The following CAMTA1 variants were observed in gnomAD, a reference collection of about 807,000 sequenced individuals.
CAMTA1 encodes the protein calmodulin-binding transcription activator 1.
In CAMTA1, 27 loss-of-function variants were observed where a neutral mutation model predicts 170.9. The observed-to-expected ratio is 0.16, with a 90% CI of 0.12 to 0.22. CAMTA1 has a LOEUF of 0.22. Ranked by LOEUF, CAMTA1 falls within the 10% of genes least tolerant of loss-of-function variation. CAMTA1 has a pLI of 1.00. For missense variants in CAMTA1, 1,619 were observed against 2,217.2 expected (o/e 0.73, Z 5.42); for synonymous variants, 833 against 891.5 (o/e 0.93, Z 1.17).
At chr1:7,327,585 T>C (rs190220641) in intron 5 of CAMTA1, among the ~76,000 whole-genome samples, 48 of 152,106 alleles carry the variant, frequency 3.2e-4, no homozygotes, top group Admixed American at 1.6e-3. Context: ...TCCCTGCAGG[T>C]TGGAATGATC....
chr1:7,591,176 C>T (rs2095352975), intron 6 of CAMTA1, among the ~76,000 whole-genome samples: 2 of 152,226 alleles, frequency 1.3e-5, no homozygotes, highest in Admixed American at 6.5e-5. Flanking sequence ...ATTCTTGTTC[C>T]TTCCTGGTCT....
intron 11 of CAMTA1, among the ~76,000 whole-genome samples, chr1:7,712,962 A>G (rs942028852): frequency 1.3e-5 from 2 of 152,190 alleles, no homozygotes; most frequent in African/African-American, 4.8e-5. Context: ...ATCCACCCTC[A>G]TGATTCAGTT....
chr1:7,054,362 A>G (rs6690314), intron 3 of CAMTA1, among the ~76,000 whole-genome samples: 111,218 of 152,250 alleles, frequency 0.73, 41,422 homozygotes, highest in African/African-American at 0.87. Context: ...TCTGAGCTTG[A>G]GAAGCACTGA....
At position 7,636,657 on chromosome 1, in the gene CAMTA1, C is replaced by T. The variant is rs545626760; in HGVS notation, c.511-3743C>T. The stretch of plus-strand genomic sequence containing the variant: ...TCAGGAGGCAGAGGTTGCAGTGAGC[C>T]GAGATCATGCCATTGCACTCCAGCC... On this transcript the variant is annotated intron_variant, in intron 6 of 22. Transcript: ENST00000303635. Among the ~76,000 whole-genome samples, 399 of 151,460 alleles carry T rather than the reference C, an allele frequency of 2.6e-3. 1 individual carries two copies. Among genetic ancestry groups the T allele is most frequent in the African/African-American group, 9.0e-3 (372 of 41,278 alleles).
At chr1:6,823,797 GA>G (rs1646796819) in intron 2 of CAMTA1, among the ~76,000 whole-genome samples, 2 of 152,064 alleles carry the variant, frequency 1.3e-5, no homozygotes, top group Non-Finnish European at 2.9e-5. Flanking sequence ...TAAATAACTG[GA>G]AAAAGATATT....
At chr1:7,599,647 G>T (rs1382626887) in intron 6 of CAMTA1, among the ~76,000 whole-genome samples, 8 of 152,114 alleles carry the variant, frequency 5.3e-5, no homozygotes, top group Non-Finnish European at 1.0e-4. Context: ...CCTTGAAAAG[G>T]TCCTTCATGT....
intron 3 of CAMTA1, among the ~76,000 whole-genome samples, chr1:6,870,816 G>GTT (rs1668199286): frequency 6.6e-6 from 1 of 152,172 alleles, no homozygotes; most frequent in South Asian, 2.1e-4. Context: ...CTAAACCAGG[G>GTT]AGCATATAGC....
At chr1:6,997,660 C>CTTTTTT (rs111887834) in intron 3 of CAMTA1, among the ~76,000 whole-genome samples, 2 of 127,636 alleles carry the variant, frequency 1.6e-5, no homozygotes, top group Admixed American at 8.1e-5. Context: ...TCTTTTCTTT[C>CTTTTTT]TTTTTTTTTT....
chr1:7,627,723 T>A (rs572708718), intron 6 of CAMTA1, among the ~76,000 whole-genome samples: 1 of 152,344 alleles, frequency 6.6e-6, no homozygotes, highest in South Asian at 2.1e-4. Context: ...TGGGCAGGGC[T>A]TTGATGGACT....
At chr1:7,062,971 C>A (rs1321179602) in intron 3 of CAMTA1, among the ~76,000 whole-genome samples, 1 of 152,210 alleles carries the variant, frequency 6.6e-6, no homozygotes, top group Non-Finnish European at 1.5e-5. Context: ...TCCGTTATGA[C>A]TTCATCTTAA....
chr1:7,103,388 TACAC>T (rs1018786853), intron 4 of CAMTA1, among the ~76,000 whole-genome samples: 2 of 132,278 alleles, frequency 1.5e-5, no homozygotes, highest in Non-Finnish European at 3.2e-5. Flanking sequence ...ACTACACACG[TACAC>T]ACAACTACAC....
intron 6 of CAMTA1, among the ~76,000 whole-genome samples, chr1:7,471,594 G>A (rs563669765): frequency 5.0e-4 from 76 of 152,332 alleles, no homozygotes; most frequent in African/African-American, 1.2e-3. Context: ...GAGACCCAGC[G>A]AGAGCAGGGC....
At chr1:7,683,425 C>T (rs1166832596) in intron 11 of CAMTA1, among the ~76,000 whole-genome samples, 3 of 152,064 alleles carry the variant, frequency 2.0e-5, no homozygotes, top group Non-Finnish European at 4.4e-5. Flanking sequence ...CTTTGAATTA[C>T]ACCCATAGTG....
chr1:7,696,935 G>A (rs1003888857), intron 11 of CAMTA1, among the ~76,000 whole-genome samples: 2 of 152,178 alleles, frequency 1.3e-5, no homozygotes, highest in Non-Finnish European at 2.9e-5. Flanking sequence ...GCTGGGCTGG[G>A]TGGGACCTGT....
rs188016313 is a variant in CAMTA1 at position 6,793,326 on chromosome 1, T to C, written c.45+7751T>C. On this transcript the variant is annotated intron_variant, in intron 1 of 22. Transcript: ENST00000303635. ...TATCTCTTCCATTTTTTTCCCCTTATCAGTTACCACAAGGTAAGATTATGT... is the reference window on the plus strand; with the variant it reads ...TATCTCTTCCATTTTTTTCCCCTTACCAGTTACCACAAGGTAAGATTATGT... Among the ~76,000 whole-genome samples the C allele has an allele frequency of 4.6e-5, 7 of 152,282 alleles. No individual in the cohort carries two copies. In the East Asian group the frequency reaches 1.3e-3, roughly 29 times the overall value.
At chr1:7,138,554 C>T (rs946313591) in intron 4 of CAMTA1, among the ~76,000 whole-genome samples, 1 of 152,158 alleles carries the variant, frequency 6.6e-6, no homozygotes, top group Non-Finnish European at 1.5e-5. Context: ...ATGTTTTCTC[C>T]CATCCCGCCT....
At chr1:6,964,528 C>T (rs1691177395) in intron 3 of CAMTA1, among the ~76,000 whole-genome samples, 2 of 152,168 alleles carry the variant, frequency 1.3e-5, no homozygotes, top group African/African-American at 4.8e-5. Flanking sequence ...CTGCCTCTCT[C>T]CCAGGTTGGA....
At chr1:7,120,820 G>A (rs985609524) in intron 4 of CAMTA1, among the ~76,000 whole-genome samples, 3 of 152,220 alleles carry the variant, frequency 2.0e-5, no homozygotes, top group African/African-American at 7.2e-5. Context: ...CTGCTTTGAG[G>A]TGATACAGTT....
chr1:6,984,447 A>T (rs886366630), intron 3 of CAMTA1, among the ~76,000 whole-genome samples: 1 of 151,918 alleles, frequency 6.6e-6, no homozygotes, highest in African/African-American at 2.4e-5. Flanking sequence ...CCCCGTCTCT[A>T]ACAGAAATAC....
Sources: allele counts gnomAD v4.1 joint callset (sites outside exome capture counted in the v4.1 genomes callset), GRCh38; gene constraint gnomAD v4.1.1; transcripts MANE v1.5; gene names NCBI Gene and HGNC (gene_info 2026-07-23, HGNC 2026-07-21).